Variants in FGFR2 observed in about 807,000 individuals in gnomAD.
FGFR2 encodes the protein fibroblast growth factor receptor 2.
Under a neutral mutation model 95.9 loss-of-function variants are expected in FGFR2, and 19 were observed. The ratio of observed to expected loss-of-function variants is 0.20; its 90% CI spans 0.14 to 0.29. FGFR2 has a LOEUF of 0.29. Ranked by LOEUF, FGFR2 falls within the 10% of genes least tolerant of loss-of-function variation. FGFR2 has a pLI of 1.00. For missense variants in FGFR2, 707 were observed against 1,056.9 expected (o/e 0.67, Z 4.59); for synonymous variants, 392 against 393.3 (o/e 1.00, Z 0.04).
At chr10:121,544,706 T>C (rs1564960446) in intron 5 of FGFR2, among the ~76,000 whole-genome samples, 1 of 152,124 alleles carries the variant, frequency 6.6e-6, no homozygotes, top group African/African-American at 2.4e-5. Context: ...GGGTACAAAG[T>C]TTCTGTTTGG....
At chr10:121,585,733 A>T (rs1861722690) in intron 2 of FGFR2, among the ~76,000 whole-genome samples, 1 of 152,258 alleles carries the variant, frequency 6.6e-6, no homozygotes, top group Non-Finnish European at 1.5e-5. Flanking sequence ...TACAGAATTT[A>T]GATTAAATGC....
rs991926730 is a variant in FGFR2, at chr10:121,479,214, T to C, written c.*643A>G. 1.3e-5 allele frequency: 3 copies of C among 231,534 alleles called. No individual in the cohort carries two copies. The highest frequency in any genetic ancestry group is 6.6e-5 in the African/African-American group (3 of 45,150). The allele number at this position is 231,534 out of a possible 1,614,324, so 14.3% of individuals were successfully genotyped here. ...AAATTACAAAAAAAACTATAAATGATTAATTGTTTTGTATATTACCAATTT... is the reference window on the plus strand; with the variant it reads ...AAATTACAAAAAAAACTATAAATGACTAATTGTTTTGTATATTACCAATTT... On this transcript the variant is annotated 3_prime_UTR_variant, in exon 18 of 18. Coordinates refer to ENST00000358487, the MANE Select transcript of FGFR2 (RefSeq NM_000141.5).
chr10:121,504,051 G>A, intron 9 of FGFR2, 110 bp from the exon 10 acceptor site: 1 of 1,361,612 alleles, frequency 7.3e-7, no homozygotes, highest in Non-Finnish European at 1.0e-6. Flanking sequence ...ATGGGTTGGG[G>A]GCTGGCAGAA....
At position 121,595,431 on chromosome 10, in the gene FGFR2, G is replaced by A. The variant is rs1236090; in HGVS notation, c.-150-1464C>T. Among the ~76,000 whole-genome samples the A allele has an allele frequency of 9.5e-3, 1,446 of 152,018 alleles. 21 individuals are homozygous for A. Among genetic ancestry groups the A allele is most frequent in the East Asian group, 0.067 (349 of 5,184 alleles). On this transcript the variant is annotated intron_variant, in intron 1 of 17. Coordinates refer to ENST00000358487, the MANE Select transcript of FGFR2 (RefSeq NM_000141.5). Reference sequence around the variant, plus strand: ...AAAGCAAGAAAAGTATGTGTGCAGTGTGTGTGTGTGTACACGGTGTGTGTG... The same window carrying A: ...AAAGCAAGAAAAGTATGTGTGCAGTATGTGTGTGTGTACACGGTGTGTGTG...
At chr10:121,546,185 T>TAAA (rs35408469) in intron 5 of FGFR2, among the ~76,000 whole-genome samples, 8 of 135,344 alleles carry the variant, frequency 5.9e-5, no homozygotes, top group African/African-American at 1.2e-4. Context: ...ACCTCTTTAT[T>TAAA]AAAAAAAAAA....
intron 2 of FGFR2, among the ~76,000 whole-genome samples, chr10:121,573,138 T>C (rs1859111777): frequency 6.6e-6 from 1 of 152,220 alleles, no homozygotes; most frequent in Non-Finnish European, 1.5e-5. Flanking sequence ...CTTTTTATAA[T>C]GTTTGCCTAT....
chr10:121,491,442 G>C (rs1846115330), intron 13 of FGFR2, among the ~76,000 whole-genome samples: 1 of 152,184 alleles, frequency 6.6e-6, no homozygotes, highest in Non-Finnish European at 1.5e-5. Flanking sequence ...CTAAGGGAAG[G>C]AAGACCAACA....
At chr10:121,571,110 T>C (rs7921849) in intron 2 of FGFR2, among the ~76,000 whole-genome samples, 29,913 of 150,844 alleles carry the variant, frequency 0.2, 3,065 homozygotes, top group Non-Finnish European at 0.22. Context: ...TGCCTCAGCC[T>C]CCTGAGTAGC....
chr10:121,548,533 A>G (rs1246296313), intron 5 of FGFR2, among the ~76,000 whole-genome samples: 1 of 151,980 alleles, frequency 6.6e-6, no homozygotes, highest in Non-Finnish European at 1.5e-5. Flanking sequence ...TTTTCTCATT[A>G]GGCCCTCTTA....
intron 2 of FGFR2, among the ~76,000 whole-genome samples, chr10:121,573,476 T>C (rs1859180539): frequency 6.6e-6 from 1 of 151,504 alleles, no homozygotes; most frequent in African/African-American, 2.4e-5. Flanking sequence ...CTAAACACAT[T>C]CCTCCAGGAA....
intron 6 of FGFR2, among the ~76,000 whole-genome samples, chr10:121,537,251 A>C (rs559514041): frequency 6.6e-6 from 1 of 152,346 alleles, no homozygotes; most frequent in East Asian, 1.9e-4. Context: ...AACAAAACTC[A>C]AATCTTCGAA....
At chr10:121,504,617 G>C (rs145144706) in intron 9 of FGFR2, among the ~76,000 whole-genome samples, 3 of 151,940 alleles carry the variant, frequency 2.0e-5, no homozygotes, top group Non-Finnish European at 2.9e-5. Context: ...TCTTGTCTTC[G>C]GTTTCAGAAA....
At chr10:121,482,270 T>C (rs934581870) in intron 17 of FGFR2, 4 of 1,234,796 alleles carry the variant, frequency 3.2e-6, no homozygotes, top group South Asian at 1.3e-5. Flanking sequence ...AAGAAGAAAG[T>C]TGGTTTCTTC....
intron 2 of FGFR2, among the ~76,000 whole-genome samples, chr10:121,588,502 G>T (rs1367525851): frequency 6.6e-6 from 1 of 152,138 alleles, no homozygotes; most frequent in African/African-American, 2.4e-5. Flanking sequence ...GATGGGGTAT[G>T]ATTAGCAACA....
chr10:121,594,251 G>A (rs985342880), intron 1 of FGFR2: 2 of 382,250 alleles, frequency 5.2e-6, no homozygotes, highest in African/African-American at 2.0e-5. Context: ...GTGAGGCAAT[G>A]TGTGCTCTCT....
chr10:121,535,862 T>A (rs1259360907), intron 6 of FGFR2, among the ~76,000 whole-genome samples: 1 of 152,244 alleles, frequency 6.6e-6, no homozygotes, highest in African/African-American at 2.4e-5. Context: ...GGCTTTTACA[T>A]TAAAGTGCTT....
intron 2 of FGFR2, among the ~76,000 whole-genome samples, chr10:121,586,068 G>C (rs1256574943): frequency 1.3e-5 from 2 of 152,174 alleles, no homozygotes; most frequent in East Asian, 3.8e-4. Context: ...GATACACACA[G>C]TTGGCCTTTT....
At chr10:121,585,622 C>A (rs1419851840) in intron 2 of FGFR2, among the ~76,000 whole-genome samples, 1 of 152,188 alleles carries the variant, frequency 6.6e-6, no homozygotes, top group Admixed American at 6.5e-5. Flanking sequence ...TTCAAACCTA[C>A]CTCCCAAGGT....
At chr10:121,580,693 C>A (rs938238421) in intron 2 of FGFR2, among the ~76,000 whole-genome samples, 2 of 152,148 alleles carry the variant, frequency 1.3e-5, no homozygotes, top group Non-Finnish European at 2.9e-5. Context: ...AAAAACTCTC[C>A]CTCAGGGGAT....
Sources: gnomAD v4.1 joint callset for allele counts (sites outside exome capture counted in the v4.1 genomes callset) on GRCh38, gnomAD v4.1.1 for gene constraint, MANE v1.5 for transcripts, NCBI Gene and HGNC (gene_info 2026-07-23, HGNC 2026-07-21) for gene names.